SLC45A2: variants seen among roughly 807,000 people sequenced by gnomAD.
The protein encoded by SLC45A2 is solute carrier family 45 member 2.
A neutral mutation model predicts 45.5 loss-of-function variants in SLC45A2; 36 were observed. The ratio of observed to expected loss-of-function variants is 0.79; its 90% CI spans 0.61 to 1.04. SLC45A2 has a LOEUF of 1.04. Among genes scored for constraint, SLC45A2 ranks in the 50% least tolerant of loss-of-function variants. SLC45A2 has a pLI of 0.00. For synonymous variants in SLC45A2, 306 were observed against 269.3 expected (o/e 1.14, Z -1.33); for missense variants, 719 against 671.0 (o/e 1.07, Z -0.79).
At chr5:33,960,412 T>C (rs1561362520) in intron 3 of SLC45A2, among the ~76,000 whole-genome samples, 1 of 151,956 alleles carries the variant, frequency 6.6e-6, no homozygotes, top group African/African-American at 2.4e-5. Flanking sequence ...ATATATATGA[T>C]GGAATACTAC....
chr5:33,955,507 A>T (rs1376447001), intron 3 of SLC45A2, among the ~76,000 whole-genome samples: 1 of 152,214 alleles, frequency 6.6e-6, no homozygotes, highest in Non-Finnish European at 1.5e-5. Flanking sequence ...ACAGAGAGCC[A>T]GTCAGCTCCC....
At chr5:33,945,817 G>T in intron 6 of SLC45A2, 1 of 456,468 alleles carries the variant, frequency 2.2e-6, no homozygotes, top group Non-Finnish European at 2.9e-6. Flanking sequence ...GCATTATGCT[G>T]AAAAACGCAT....
chr5:33,952,837 T>C, intron 4 of SLC45A2, among the ~76,000 whole-genome samples: 1 of 96,120 alleles, frequency 1.0e-5, no homozygotes, highest in Non-Finnish European at 2.0e-5. Context: ...ATGCTATCCC[T>C]CCCCCCTCCC....
At chr5:33,946,705 A>T in intron 6 of SLC45A2, 1 of 1,053,588 alleles carries the variant, frequency 9.5e-7, no homozygotes, top group Non-Finnish European at 1.1e-6. Context: ...TCCTACCCTC[A>T]GCAAATAATG....
intron 3 of SLC45A2, among the ~76,000 whole-genome samples, chr5:33,960,894 A>C (rs1309313430): frequency 6.6e-6 from 1 of 152,206 alleles, no homozygotes; most frequent in East Asian, 1.9e-4. Flanking sequence ...TATGATGTTA[A>C]CATAAGAGAA....
Position 33,947,436 on chromosome 5 carries a change from A to T in SLC45A2, c.1157-62T>A, listed in dbSNP as rs1579532504. On this transcript the variant is annotated intron_variant, in intron 5 of 6. Transcript: ENST00000296589. ...GTGCCTCATAACATTTAATAATTTC[A>T]GACAATCCTTTCTTCTGAAGATTCA... 11 of 1,431,904 alleles carry T rather than the reference A, an allele frequency of 7.7e-6. No homozygotes were observed. The East Asian group carries it at 2.5e-4, about 32-fold the overall frequency. 88.7% of individuals were successfully genotyped at this position (1,431,904 alleles called of 1,614,324 possible).
intron 4 of SLC45A2, among the ~76,000 whole-genome samples, chr5:33,954,022 T>C (rs545904483): frequency 8.8e-4 from 129 of 146,126 alleles, no homozygotes; most frequent in Admixed American, 2.5e-3. Flanking sequence ...ATCCTAAATA[T>C]TTATGCACCT....
At chr5:33,949,078 C>A (rs1458693778) in intron 5 of SLC45A2, among the ~76,000 whole-genome samples, 5 of 152,120 alleles carry the variant, frequency 3.3e-5, no homozygotes, top group African/African-American at 1.2e-4. Flanking sequence ...ATGGTATGAA[C>A]AATAGGCCAT....
chr5:33,976,822 A>G (rs577592671), intron 2 of SLC45A2, among the ~76,000 whole-genome samples: 1 of 152,296 alleles, frequency 6.6e-6, no homozygotes, highest in African/African-American at 2.4e-5. Context: ...AACAAAAGGG[A>G]TTGGGGAGGA....
chr5:33,977,997 G>A (rs1752978891), intron 2 of SLC45A2, among the ~76,000 whole-genome samples: 1 of 152,246 alleles, frequency 6.6e-6, no homozygotes, highest in Non-Finnish European at 1.5e-5. Flanking sequence ...CTGGAGACTG[G>A]AGAACAGTTA....
At chr5:33,974,136 C>CT (rs2111992265) in intron 2 of SLC45A2, among the ~76,000 whole-genome samples, 1 of 152,330 alleles carries the variant, frequency 6.6e-6, no homozygotes, top group East Asian at 1.9e-4. Flanking sequence ...GAGTACCACT[C>CT]TGTTAGCTCA....
chr5:33,976,982 C>A (rs1233313027), intron 2 of SLC45A2, among the ~76,000 whole-genome samples: 3 of 152,114 alleles, frequency 2.0e-5, no homozygotes, highest in African/African-American at 4.8e-5. Flanking sequence ...GATACTCTAA[C>A]CCTCAATGGG....
intron 2 of SLC45A2, among the ~76,000 whole-genome samples, chr5:33,966,596 G>A (rs554279695): frequency 2.6e-5 from 4 of 152,030 alleles, no homozygotes; most frequent in East Asian, 3.9e-4. Flanking sequence ...GCCCGCCACC[G>A]GAGAAGCTAC....
rs142547276 is a variant in SLC45A2 at position 33,976,059 on chromosome 5, G to C, written c.562+6177C>G. Among the ~76,000 whole-genome samples the C allele has an allele frequency of 3.2e-3, 490 of 152,270 alleles. 4 individuals are homozygous for C. The highest frequency in any genetic ancestry group is 0.011 in the African/African-American group (460 of 41,552). ...CAGCTCACTGAAAGCCAGCAGACAC[G>C]TACTCCCAGACTTTTTGTTACATAA... is the stretch of plus-strand genomic sequence containing the variant. On this transcript the variant is annotated intron_variant, in intron 2 of 6. Transcript: ENST00000296589.
At position 33,963,986 on chromosome 5, in the gene SLC45A2, C is replaced by T. The variant is rs201259497; in HGVS notation, c.593G>A (p.Gly198Asp). The T allele has an allele frequency of 1.4e-4, 220 of 1,613,970 alleles. No individual in the cohort carries two copies. The highest frequency in any genetic ancestry group is 1.8e-4 in the Non-Finnish European group (212 of 1,179,906). ...CTCCAGATGGGCCCAGTCTATAGCA[C>T]CCAAAAGGTAACCCAGGGCACCTCC... ...GFGGALGYLLGAIDWAHLELG... is the reference protein window; with the variant it reads ...GFGGALGYLLDAIDWAHLELG... Residue 198 changes from glycine (G) to aspartate (D), a missense_variant, in exon 3 of 7, where the codon GGT becomes GAT. Transcript: ENST00000296589.
chr5:33,954,341 T>C lies in SLC45A2; in HGVS notation c.1032+20A>G, dbSNP rs1217348416. On this transcript the variant is annotated intron_variant, in intron 4 of 6. Coordinates refer to ENST00000296589, the MANE Select transcript of SLC45A2 (RefSeq NM_016180.5). Reference sequence around the variant, plus strand: ...GAAATGATGTGTAACAGTGATTGTGTGCACAGACACGTTCATTACCTGGCC... The same window carrying C: ...GAAATGATGTGTAACAGTGATTGTGCGCACAGACACGTTCATTACCTGGCC... 1 of 1,613,928 alleles carries C rather than the reference T, an allele frequency of 6.2e-7. No homozygotes were observed. Among genetic ancestry groups the C allele is most frequent in the Non-Finnish European group, 8.5e-7 (1 of 1,179,900 alleles).
At chr5:33,976,602 T>G (rs1215662946) in intron 2 of SLC45A2, among the ~76,000 whole-genome samples, 1 of 149,798 alleles carries the variant, frequency 6.7e-6, no homozygotes, top group Non-Finnish European at 1.5e-5. Context: ...GTGAGGGGGG[T>G]GGGGGAGATT....
intron 3 of SLC45A2, among the ~76,000 whole-genome samples, chr5:33,955,321 G>C (rs1046265781): frequency 5.9e-5 from 9 of 152,200 alleles, no homozygotes; most frequent in Admixed American, 5.2e-4. Context: ...TTCCCACTGA[G>C]CTTCCAGATG....
Position 33,959,276 on chromosome 5 carries a change from C to G in SLC45A2, c.888+4415G>C, listed in dbSNP as rs115898214. ...TTTTACCTGATATATTTTTAGTAAA[C>G]CTTCGGAAACATACATTTTTAATGA... is the stretch of plus-strand genomic sequence containing the variant. On this transcript the variant is annotated intron_variant, in intron 3 of 6. Coordinates refer to ENST00000296589, the MANE Select transcript of SLC45A2 (RefSeq NM_016180.5). 2.7e-3 allele frequency among the ~76,000 whole-genome samples: 404 copies of G among 152,208 alleles called. 4 individuals carry two copies. The highest frequency in any genetic ancestry group is 9.1e-3 in the African/African-American group (379 of 41,526).
Sources: gnomAD v4.1 joint callset for allele counts (sites outside exome capture counted in the v4.1 genomes callset) on GRCh38, gnomAD v4.1.1 for gene constraint, MANE v1.5 for transcripts, NCBI Gene and HGNC (gene_info 2026-07-23, HGNC 2026-07-21) for gene names.